The following TTC17 variants were observed in gnomAD, a reference collection of about 807,000 sequenced individuals.
TTC17 encodes tetratricopeptide repeat domain 17, also known as tetratricopeptide repeat protein 17.
TTC17 carries 58 observed loss-of-function variants against 143.8 expected under a neutral mutation model. That is an observed-to-expected ratio of 0.40 (90% CI 0.33 to 0.50). The LOEUF (loss-of-function observed/expected upper bound fraction) is 0.50. Ranked by LOEUF, TTC17 falls within the 20% of genes least tolerant of loss-of-function variation. TTC17 has a pLI of 0.49. For synonymous variants in TTC17, 501 were observed against 497.8 expected, an observed-to-expected ratio of 1.01 and a Z score of -0.09; for missense variants, 1,273 against 1,392.5, an observed-to-expected ratio of 0.91 and a Z score of 1.37.
At chr11:43,423,247 G>T (rs1946948885) in intron 16 of TTC17, among the ~76,000 whole-genome samples, 1 of 152,190 alleles carries the variant, frequency 6.6e-6, no homozygotes, top group African/African-American at 2.4e-5. Context: ...GAATTAACTA[G>T]AGAGGTTTCT....
At chr11:43,360,113 T>C (rs1222976433) in intron 1 of TTC17, among the ~76,000 whole-genome samples, 2 of 152,198 alleles carry the variant, frequency 1.3e-5, no homozygotes, top group African/African-American at 4.8e-5. Flanking sequence ...TACTGGTCCT[T>C]TGGATTGTGT....
At chr11:43,413,354 A>AC (rs1946700223) in intron 15 of TTC17, among the ~76,000 whole-genome samples, 1 of 152,232 alleles carries the variant, frequency 6.6e-6, no homozygotes, top group South Asian at 2.1e-4. Context: ...TGGATCATGT[A>AC]CCAAAATATG....
chr11:43,438,781 C>T (rs1362572571), intron 16 of TTC17, among the ~76,000 whole-genome samples: 2 of 152,222 alleles, frequency 1.3e-5, no homozygotes, highest in African/African-American at 4.8e-5. Flanking sequence ...CTTGAAACTT[C>T]TCTTCCAAGA....
intron 1 of TTC17, among the ~76,000 whole-genome samples, chr11:43,368,423 A>C (rs1472139584): frequency 2.6e-5 from 4 of 152,012 alleles, no homozygotes; most frequent in African/African-American, 9.7e-5. Context: ...TCCCCCATTC[A>C]CAAAATTGCC....
intron 3 of TTC17, among the ~76,000 whole-genome samples, chr11:43,391,104 T>C (rs1857368020): frequency 6.6e-6 from 1 of 150,654 alleles, no homozygotes; most frequent in South Asian, 2.1e-4. Context: ...TTGACATTTC[T>C]TAAAGTATTA....
chr11:43,456,993 C>T (rs953827821), intron 21 of TTC17, among the ~76,000 whole-genome samples: 5 of 151,974 alleles, frequency 3.3e-5, no homozygotes, highest in African/African-American at 1.2e-4. Flanking sequence ...TGGCTTTTTC[C>T]CCTCAGGACT....
chr11:43,418,682 G>A (rs1946833115), intron 16 of TTC17, among the ~76,000 whole-genome samples: 1 of 151,846 alleles, frequency 6.6e-6, no homozygotes, highest in Non-Finnish European at 1.5e-5. Flanking sequence ...AAAAATAAAA[G>A]TGTCACAGAA....
At chr11:43,377,411 A>G (rs371906459) in intron 1 of TTC17, among the ~76,000 whole-genome samples, 1 of 152,332 alleles carries the variant, frequency 6.6e-6, no homozygotes, top group East Asian at 1.9e-4. Context: ...ATACTCTGAT[A>G]ATCTAAGGAG....
intron 19 of TTC17, chr11:43,449,512 C>T (rs150321717): frequency 1.3e-5 from 2 of 152,356 alleles, no homozygotes; most frequent in African/African-American, 4.8e-5. Context: ...ATGAATCACT[C>T]ACAAGAGAAT....
chr11:43,375,248 A>T (rs1011252666), intron 1 of TTC17, among the ~76,000 whole-genome samples: 7 of 152,184 alleles, frequency 4.6e-5, no homozygotes, highest in Admixed American at 4.6e-4. Flanking sequence ...CTCAGAAATA[A>T]TCACCATGAC....
At chr11:43,485,819 G>A (rs975051249) in intron 21 of TTC17, among the ~76,000 whole-genome samples, 1 of 151,068 alleles carries the variant, frequency 6.6e-6, no homozygotes, top group Admixed American at 6.6e-5. Flanking sequence ...TTTAAACAAT[G>A]TGAATGGGGT....
intron 21 of TTC17, among the ~76,000 whole-genome samples, chr11:43,461,202 G>A (rs1947858292): frequency 6.6e-6 from 1 of 151,894 alleles, no homozygotes; most frequent in Admixed American, 6.6e-5. Flanking sequence ...GGCTAACAAG[G>A]TGAAACCCCG....
rs765851326 is a variant in TTC17, at chr11:43,391,953, G to T, written c.663+1G>T. On this transcript the variant is annotated splice_donor_variant, in intron 5 of 23. Coordinates refer to ENST00000039989, the MANE Select transcript of TTC17 (RefSeq NM_018259.6). LOFTEE classifies it high-confidence loss of function. Reference sequence around the variant, plus strand: ...CCTCATTCATGAAGGCCTACAGAAGGTAAGTCATCAGTCACTTAAAGAGCC... The same window carrying T: ...CCTCATTCATGAAGGCCTACAGAAGTTAAGTCATCAGTCACTTAAAGAGCC... 1.9e-6 allele frequency: 3 copies of T among 1,603,534 alleles called. No homozygotes were observed. The highest frequency in any genetic ancestry group is 2.5e-6 in the Non-Finnish European group (3 of 1,177,066).
chr11:43,400,070 T>A (rs755671183), intron 9 of TTC17, 22 bp downstream of exon 9: 1 of 1,604,772 alleles, frequency 6.2e-7, no homozygotes, highest in South Asian at 1.1e-5. Flanking sequence ...CTCCAAGTAA[T>A]TGAAGACAGG....
intron 1 of TTC17, among the ~76,000 whole-genome samples, chr11:43,374,576 A>G (rs1856691221): frequency 6.6e-6 from 1 of 152,082 alleles, no homozygotes; most frequent in Non-Finnish European, 1.5e-5. Flanking sequence ...GCAAAAAACA[A>G]CTCCATTAAA....
At chr11:43,360,134 A>G (rs1316644107) in intron 1 of TTC17, among the ~76,000 whole-genome samples, 4 of 152,348 alleles carry the variant, frequency 2.6e-5, no homozygotes, top group East Asian at 3.9e-4. Context: ...GTAATGAATC[A>G]TGATAGGAAC....
At chr11:43,424,508 G>A (rs953061333) in intron 16 of TTC17, among the ~76,000 whole-genome samples, 15 of 151,984 alleles carry the variant, frequency 9.9e-5, no homozygotes, top group East Asian at 1.9e-4. Context: ...GTGGCTTCAC[G>A]CCTGTAACCC....
At position 43,493,936 on chromosome 11, in the gene TTC17, C is replaced by G; in HGVS notation, c.*32C>G. On this transcript the variant is annotated 3_prime_UTR_variant, in exon 24 of 24. Transcript: ENST00000039989. ...TCTTCCTTCTCTCTTTCTCTTTACT[C>G]ATGCTCTAAAAAAAAAGAATAAGAA... The G allele has an allele frequency of 6.5e-7, 1 of 1,532,082 alleles. No homozygotes were observed. Among genetic ancestry groups the G allele is most frequent in the African/African-American group, 1.4e-5 (1 of 71,754 alleles). 94.9% of individuals were successfully genotyped at this position (1,532,082 alleles called of 1,614,324 possible).
Position 43,405,800 on chromosome 11 carries a change from G to A in TTC17, c.1610G>A (p.Ser537Asn), listed in dbSNP as rs757634709. 7.4e-6 allele frequency: 12 copies of A among 1,613,786 alleles called. No homozygotes were observed. Among genetic ancestry groups the A allele is most frequent in the Non-Finnish European group, 1.0e-5 (12 of 1,179,914 alleles). Residue 537 changes from serine to asparagine, a missense_variant, in exon 13 of 24, where the codon AGC (serine) becomes AAC (asparagine). Coordinates refer to ENST00000039989, the MANE Select transcript of TTC17 (RefSeq NM_018259.6). Reference sequence around the variant, plus strand: ...TCTTGTGCCAGGATCCACGAACTCAGCAGTGATGATTATTCTACAGAAGAA... The same window carrying A: ...TCTTGTGCCAGGATCCACGAACTCAACAGTGATGATTATTCTACAGAAGAA... ...ENKGLRIHEL[S>N]SDDYSTEEEA...
Sources: allele counts gnomAD v4.1 joint callset (sites outside exome capture counted in the v4.1 genomes callset), GRCh38; gene constraint gnomAD v4.1.1; transcripts MANE v1.5; gene names NCBI Gene and HGNC (gene_info 2026-07-23, HGNC 2026-07-21).